ADAM10: variants seen among roughly 807,000 people sequenced by gnomAD.
ADAM10 encodes disintegrin and metalloproteinase domain-containing protein 10.
In ADAM10, 17 loss-of-function variants were observed where a neutral mutation model predicts 90.1. The observed-to-expected ratio is 0.19, with a 90% confidence interval of 0.13 to 0.28. The LOEUF is 0.28. Among genes scored for constraint, ADAM10 ranks in the 10% least tolerant of loss-of-function variants. ADAM10 has a pLI of 1.00. For missense variants in ADAM10, 610 were observed against 914.3 expected, an observed-to-expected ratio of 0.67 and a Z score of 4.29; for synonymous variants, 310 against 298.6, an observed-to-expected ratio of 1.04 and a Z score of -0.40.
chr15:58,703,990 C>G (rs1350721939), intron 2 of ADAM10: 1 of 152,920 alleles, frequency 6.5e-6, no homozygotes, highest in Non-Finnish European at 1.5e-5. Flanking sequence ...CAGTCCTCCT[C>G]TATCGAGGAT....
At chr15:58,654,344 T>G (rs1246399060) in intron 5 of ADAM10, among the ~76,000 whole-genome samples, 1 of 152,182 alleles carries the variant, frequency 6.6e-6, no homozygotes, top group East Asian at 1.9e-4. Flanking sequence ...TTCCTCTTAG[T>G]ACTGCTTTTA....
At chr15:58,670,987 G>A (rs1447663727) in intron 4 of ADAM10, among the ~76,000 whole-genome samples, 6 of 151,924 alleles carry the variant, frequency 3.9e-5, no homozygotes, top group Admixed American at 1.3e-4. Context: ...ACCTGTATAA[G>A]GTTATAAAGC....
At chr15:58,687,535 A>G (rs1027718176) in intron 2 of ADAM10, among the ~76,000 whole-genome samples, 2 of 152,088 alleles carry the variant, frequency 1.3e-5, no homozygotes, top group Non-Finnish European at 2.9e-5. Context: ...TGTGTTTGTA[A>G]CAGTCTTTGA....
intron 14 of ADAM10, among the ~76,000 whole-genome samples, chr15:58,604,028 C>CAT: frequency 6.6e-6 from 1 of 152,054 alleles, no homozygotes; most frequent in Admixed American, 6.6e-5. Flanking sequence ...GCTCTGTCCC[C>CAT]ATAAAATATT....
chr15:58,748,831 A>G (rs1899877988), intron 1 of ADAM10: 1 of 397,954 alleles, frequency 2.5e-6, no homozygotes, highest in South Asian at 1.4e-4. Flanking sequence ...GGACACAGGA[A>G]GAACCGAGGC....
At chr15:58,658,124 T>A (rs1230099106) in intron 5 of ADAM10, among the ~76,000 whole-genome samples, 3 of 152,142 alleles carry the variant, frequency 2.0e-5, no homozygotes, top group African/African-American at 4.8e-5. Context: ...TTCTCCTATG[T>A]TTTTTCCTAG....
intron 7 of ADAM10, among the ~76,000 whole-genome samples, chr15:58,643,637 A>G (rs943701214): frequency 5.3e-5 from 8 of 152,220 alleles, no homozygotes; most frequent in African/African-American, 1.7e-4. Context: ...GACAGACTGA[A>G]TACACACTTT....
intron 1 of ADAM10, among the ~76,000 whole-genome samples, chr15:58,746,355 T>C (rs533657557): frequency 3.9e-4 from 60 of 152,232 alleles, no homozygotes; most frequent in African/African-American, 1.4e-3. Context: ...TCCTTGAAGA[T>C]CTTAAACAAG....
chr15:58,625,260 A>C (rs1566971500), intron 10 of ADAM10, among the ~76,000 whole-genome samples: 1 of 152,230 alleles, frequency 6.6e-6, no homozygotes. Flanking sequence ...ACCAGTATCT[A>C]GGACTAGTAT....
At chr15:58,729,974 C>CAAA (rs57057137) in intron 1 of ADAM10, among the ~76,000 whole-genome samples, 12 of 134,992 alleles carry the variant, frequency 8.9e-5, no homozygotes, top group East Asian at 2.6e-4. Context: ...AAAACAAAAA[C>CAAA]AAAAACAAAA....
chr15:58,667,506 TA>T (rs1448362891), intron 4 of ADAM10, among the ~76,000 whole-genome samples: 2 of 152,148 alleles, frequency 1.3e-5, no homozygotes, highest in Non-Finnish European at 2.9e-5. Context: ...GATGACCCTC[TA>T]ATAGTCAAAA....
rs530376151 is a variant in ADAM10 at position 58,588,930 on chromosome 15, G to T, written c.*8617C>A. On this transcript the variant is annotated 3_prime_UTR_variant, in exon 16 of 16. Coordinates refer to ENST00000260408, the MANE Select transcript of ADAM10 (RefSeq NM_001110.4). ...TTTCCCATTTTTGCAAAACATGGTC[G>T]GTATGTTTCATATTCTATAAATACA... 1 of 152,056 alleles carries T rather than the reference G, an allele frequency of 6.6e-6. No individual in the cohort carries two copies. Among genetic ancestry groups the T allele is most frequent in the Non-Finnish European group, 1.5e-5 (1 of 68,006 alleles). The allele number at this position is 152,056 out of a possible 1,614,324, so 9.4% of individuals were successfully genotyped here.
intron 4 of ADAM10, among the ~76,000 whole-genome samples, chr15:58,671,986 C>T (rs1449766064): frequency 1.3e-5 from 2 of 151,744 alleles, no homozygotes; most frequent in African/African-American, 4.8e-5. Flanking sequence ...CTTCAGTTTC[C>T]GTCATCTTTA....
At chr15:58,742,642 C>T (rs1567021347) in intron 1 of ADAM10, among the ~76,000 whole-genome samples, 1 of 152,312 alleles carries the variant, frequency 6.6e-6, no homozygotes, top group East Asian at 1.9e-4. Context: ...TGGACAGCAA[C>T]GTCACTGCCC....
At chr15:58,697,831 G>A (rs1351627269) in intron 2 of ADAM10, among the ~76,000 whole-genome samples, 1 of 152,142 alleles carries the variant, frequency 6.6e-6, no homozygotes, top group South Asian at 2.1e-4. Context: ...CCCACTTGGT[G>A]AACCTGTCCC....
intron 9 of ADAM10, 40 bp downstream of exon 9, chr15:58,633,156 T>A (rs199529723): frequency 6.5e-7 from 1 of 1,540,724 alleles, no homozygotes; most frequent in Admixed American, 1.7e-5. Context: ...AAAATTAGAC[T>A]AATAAGTATT....
chr15:58,663,296 T>C (rs1398790883), intron 5 of ADAM10, among the ~76,000 whole-genome samples: 1 of 152,248 alleles, frequency 6.6e-6, no homozygotes, highest in Non-Finnish European at 1.5e-5. Flanking sequence ...AACATTTTTT[T>C]CTGGATCCAT....
chr15:58,597,288 T>G lies in ADAM10; in HGVS notation c.*259A>C. On this transcript the variant is annotated 3_prime_UTR_variant, in exon 16 of 16. Coordinates refer to ENST00000260408, the MANE Select transcript of ADAM10 (RefSeq NM_001110.4). ...GAACACGGGGCACATAATAATATTC[T>G]AAGACTTTGTGCCATTAAGTTAAAA... is the stretch of plus-strand genomic sequence containing the variant. The G allele has an allele frequency of 8.1e-7, 1 of 1,235,290 alleles. No individual in the cohort carries two copies. The highest frequency in any genetic ancestry group is 2.6e-5 in the Admixed American group (1 of 39,046). 76.5% of individuals were successfully genotyped at this position (1,235,290 alleles called of 1,614,324 possible). A position where few individuals can be genotyped will look rare whatever the true frequency, so the allele number is the denominator to read the frequency against.
chr15:58,671,823 T>C (rs1255511383), intron 4 of ADAM10, among the ~76,000 whole-genome samples: 1 of 152,148 alleles, frequency 6.6e-6, no homozygotes, highest in Non-Finnish European at 1.5e-5. Context: ...TTTTTTTTAA[T>C]CCTTACTGTC....
Sources: allele counts gnomAD v4.1 joint callset (sites outside exome capture counted in the v4.1 genomes callset), GRCh38; gene constraint gnomAD v4.1.1; transcripts MANE v1.5; gene names NCBI Gene and HGNC (gene_info 2026-07-23, HGNC 2026-07-21).